Variants in SKAP2 observed in about 807,000 individuals in gnomAD.
The protein encoded by SKAP2 is src kinase associated phosphoprotein 2.
Under a neutral mutation model 54.9 loss-of-function variants are expected in SKAP2, and 28 were observed. The observed-to-expected ratio is 0.51, with a 90% confidence interval of 0.38 to 0.70. The LOEUF is 0.70. Ranked by LOEUF, SKAP2 falls within the 30% of genes least tolerant of loss-of-function variation. The probability of loss-of-function intolerance (pLI) is 0.00; values close to 1 mark genes in which losing one functional copy is unlikely to be tolerated. For missense variants in SKAP2, 356 were observed against 424.1 expected, an observed-to-expected ratio of 0.84 and a Z score of 1.41; for synonymous variants, 137 against 134.3, an observed-to-expected ratio of 1.02 and a Z score of -0.14.
chr7:26,813,383 G>A (rs555417177), intron 4 of SKAP2, among the ~76,000 whole-genome samples: 13 of 152,262 alleles, frequency 8.5e-5, no homozygotes, highest in African/African-American at 2.9e-4. Context: ...AATGGCGTAT[G>A]TAGCTGAAAT....
chr7:26,740,020 A>C (rs2127961577), intron 4 of SKAP2, 56 bp from the exon 5 acceptor site: 1 of 1,078,296 alleles, frequency 9.3e-7, no homozygotes, highest in East Asian at 2.4e-5. Flanking sequence ...TTTCAGAATA[A>C]ACAAGTGCCA....
chr7:26,673,933 G>A (rs1235608878), intron 11 of SKAP2, among the ~76,000 whole-genome samples: 1 of 152,016 alleles, frequency 6.6e-6, no homozygotes, highest in African/African-American at 2.4e-5. Context: ...TTCTTTCTCT[G>A]CTGGAATATT....
rs769551876 is a variant in SKAP2, at chr7:26,854,893, A to C, written c.68-3T>G. The C allele has an allele frequency of 1.3e-6, 2 of 1,555,896 alleles. No individual in the cohort carries two copies. Among genetic ancestry groups the C allele is most frequent in the Non-Finnish European group, 1.8e-6 (2 of 1,137,776 alleles). On this transcript the variant is annotated splice_polypyrimidine_tract_variant and splice_region_variant and intron_variant, in intron 1 of 12. Transcript: ENST00000345317. Reference sequence around the variant, plus strand: ...ATCTGCTACAAATGTTTCAACATCTAAACCATGCAATATAAGAAACAGGAT... The same window carrying C: ...ATCTGCTACAAATGTTTCAACATCTCAACCATGCAATATAAGAAACAGGAT...
At chr7:26,840,693 G>A (rs562743184) in intron 4 of SKAP2, among the ~76,000 whole-genome samples, 3 of 152,018 alleles carry the variant, frequency 2.0e-5, no homozygotes, top group East Asian at 1.9e-4. Flanking sequence ...AAACTATTAC[G>A]ATTTTTTTGT....
At chr7:26,862,474 T>C (rs1409671371) in intron 1 of SKAP2, among the ~76,000 whole-genome samples, 1 of 152,072 alleles carries the variant, frequency 6.6e-6, no homozygotes, top group African/African-American at 2.4e-5. Flanking sequence ...TAATACTTCA[T>C]GTGTGTTTTA....
rs769389664 is a variant in SKAP2 at position 26,864,394 on chromosome 7, G to A, written c.36C>T (p.Pro12=). 13 of 1,613,022 alleles carry A rather than the reference G, an allele frequency of 8.1e-6. No individual in the cohort carries two copies. The East Asian group carries it at 1.1e-4, about 14-fold the overall frequency. ...ACAGGTTCCTAATTTCCTCAGGGAG[G>A]GGGTAGGGAGAGGAGGTGCTGCTGG... ...PNPSSTSSPY[P]LPEEIRNLLA... The change falls in exon 1 of 13, where the codon CCC becomes CCT. Residue 12 remains proline (P), a synonymous_variant. Transcript: ENST00000345317.
intron 9 of SKAP2, among the ~76,000 whole-genome samples, chr7:26,723,367 C>T (rs555356172): frequency 1.3e-5 from 2 of 152,242 alleles, no homozygotes; most frequent in South Asian, 2.1e-4. Context: ...CTGCCTACAA[C>T]GGCTTCCTTC....
At chr7:26,687,101 G>A (rs893917712) in intron 10 of SKAP2, among the ~76,000 whole-genome samples, 5 of 151,482 alleles carry the variant, frequency 3.3e-5, no homozygotes, top group African/African-American at 1.2e-4. Context: ...AGAAGGAAAA[G>A]AAAAGTATAT....
At chr7:26,843,044 T>C (rs1039699986) in intron 4 of SKAP2, among the ~76,000 whole-genome samples, 2 of 152,192 alleles carry the variant, frequency 1.3e-5, no homozygotes, top group South Asian at 2.1e-4. Flanking sequence ...TTATCACTTA[T>C]GCATGTACTT....
chr7:26,727,926 C>A (rs902220599), intron 6 of SKAP2, among the ~76,000 whole-genome samples: 9 of 152,034 alleles, frequency 5.9e-5, no homozygotes, highest in African/African-American at 2.2e-4. Flanking sequence ...GAGCTCGGGG[C>A]AAATACAGAA....
In SKAP2 at chr7:26,725,526, C is replaced by T; in HGVS notation, c.698G>A (p.Arg233Lys). The change falls in exon 9 of 13, where the codon AGA (arginine) becomes AAA (lysine). Residue 233 changes from arginine (R) to lysine (K), a missense_variant. Transcript: ENST00000345317. ...SDIIPEDYDE[R>K]GELYDDVDHP... is the part of the protein sequence containing the mutation. ...ATCAACATCATCATATAATTCTCCT[C>T]TCTCATCATAATCCTCAGGAATAAT... is the stretch of plus-strand genomic sequence containing the variant. The T allele has an allele frequency of 6.2e-7, 1 of 1,610,214 alleles. No homozygotes were observed. The highest frequency in any genetic ancestry group is 8.5e-7 in the Non-Finnish European group (1 of 1,178,594).
the SKAP2 span, among the ~76,000 whole-genome samples, chr7:26,660,838 A>G: frequency 2.2e-4 from 34 of 152,204 alleles, no homozygotes; most frequent in Non-Finnish European, 4.6e-4. Flanking sequence ...TAATCAAGGA[A>G]TCACATCACA....
intron 4 of SKAP2, among the ~76,000 whole-genome samples, chr7:26,747,432 C>A (rs1270964278): frequency 6.6e-6 from 1 of 152,082 alleles, no homozygotes; most frequent in East Asian, 1.9e-4. Flanking sequence ...GAGGTTACAA[C>A]TCAAGGGTTT....
intron 4 of SKAP2, among the ~76,000 whole-genome samples, chr7:26,842,496 G>A (rs545234742): frequency 6.6e-6 from 1 of 151,698 alleles, no homozygotes; most frequent in African/African-American, 2.4e-5. Flanking sequence ...TTTCTTTTTA[G>A]GTTGCAAATT....
At chr7:26,655,835 A>C in the SKAP2 span, among the ~76,000 whole-genome samples, 1,516 of 152,326 alleles carry the variant, frequency 1.0e-2, 21 homozygotes, top group Non-Finnish European at 0.016. Flanking sequence ...TAATGTCTGG[A>C]GGAAACCTCT....
At chr7:26,752,574 G>T (rs1391142157) in intron 4 of SKAP2, among the ~76,000 whole-genome samples, 1 of 152,084 alleles carries the variant, frequency 6.6e-6, no homozygotes, top group Non-Finnish European at 1.5e-5. Flanking sequence ...CCAAAATCCT[G>T]TTTGCCTTGA....
At chr7:26,806,645 GT>G (rs903040130) in intron 4 of SKAP2, among the ~76,000 whole-genome samples, 12 of 152,166 alleles carry the variant, frequency 7.9e-5, no homozygotes, top group African/African-American at 2.9e-4. Flanking sequence ...GTCATTGAAG[GT>G]AAATACAAGT....
At chr7:26,864,084 C>T (rs1045135584) in intron 1 of SKAP2, among the ~76,000 whole-genome samples, 2 of 149,928 alleles carry the variant, frequency 1.3e-5, no homozygotes, top group Non-Finnish European at 3.0e-5. Flanking sequence ...CACACACACA[C>T]CGTCTTCACA....
chr7:26,825,919 A>G (rs904854179), intron 4 of SKAP2, among the ~76,000 whole-genome samples: 2 of 152,074 alleles, frequency 1.3e-5, no homozygotes, highest in Non-Finnish European at 2.9e-5. Context: ...GTTTAGTCAT[A>G]CTTTCACATA....
Sources: allele counts gnomAD v4.1 joint callset (sites outside exome capture counted in the v4.1 genomes callset), GRCh38; gene constraint gnomAD v4.1.1; transcripts MANE v1.5; gene names NCBI Gene and HGNC (gene_info 2026-07-23, HGNC 2026-07-21).